Variants in CPLX1 observed in about 807,000 individuals in gnomAD.
CPLX1 encodes complexin-1.
CPLX1 carries 6 observed loss-of-function variants against 15.6 expected under a neutral mutation model. The ratio of observed to expected loss-of-function variants is 0.39; its 90% confidence interval spans 0.21 to 0.76. The LOEUF (loss-of-function observed/expected upper bound fraction) is 0.76, where lower values mean the gene tolerates loss of function less well. Ranked by LOEUF, CPLX1 falls within the 30% of genes least tolerant of loss-of-function variation. CPLX1 has a pLI of 0.43. For synonymous variants in CPLX1, 91 were observed against 75.2 expected (o/e 1.21, Z -1.08); for missense variants, 242 against 188.6 (o/e 1.28, Z -1.66).
At chr4:790,518 G>T (rs1746138299) in intron 3 of CPLX1, among the ~76,000 whole-genome samples, 2 of 152,132 alleles carry the variant, frequency 1.3e-5, no homozygotes, top group Admixed American at 6.6e-5. Flanking sequence ...TCCTGCCCGG[G>T]CCACTCGGTC....
chr4:792,093 G>T (rs60272964), intron 3 of CPLX1, among the ~76,000 whole-genome samples: 1 of 152,066 alleles, frequency 6.6e-6, no homozygotes, highest in African/African-American at 2.4e-5. Context: ...GCTCACCTGA[G>T]AGCGCACCCC....
chr4:795,526 A>G (rs80237166), intron 2 of CPLX1, among the ~76,000 whole-genome samples: 47,599 of 152,050 alleles, frequency 0.31, 8,857 homozygotes, highest in African/African-American at 0.52. Context: ...GGGGGGTCGG[A>G]TCCGAGGCTG....
intron 2 of CPLX1, among the ~76,000 whole-genome samples, chr4:813,234 C>T (rs1189515304): frequency 1.3e-5 from 2 of 149,260 alleles, no homozygotes; most frequent in Non-Finnish European, 3.0e-5. Context: ...CACTGCACTC[C>T]TGCCTGGGTG....
At chr4:791,511 C>A (rs1746175175) in intron 3 of CPLX1, among the ~76,000 whole-genome samples, 1 of 152,180 alleles carries the variant, frequency 6.6e-6, no homozygotes, top group Non-Finnish European at 1.5e-5. Context: ...CCCACAACAC[C>A]CCGTGAAGCC....
chr4:817,483 A>G (rs1158923177), intron 2 of CPLX1, among the ~76,000 whole-genome samples: 2 of 151,682 alleles, frequency 1.3e-5, no homozygotes, highest in Admixed American at 6.6e-5. Flanking sequence ...GCTTGAACCC[A>G]GGAGGCGGAG....
intron 2 of CPLX1, among the ~76,000 whole-genome samples, chr4:810,104 C>T (rs1721496284): frequency 7.0e-6 from 1 of 143,650 alleles, no homozygotes; most frequent in Admixed American, 7.3e-5. Flanking sequence ...GGCTGGAGTG[C>T]AGTGGCATGA....
chr4:808,373 C>T (rs1440230829), intron 2 of CPLX1, among the ~76,000 whole-genome samples: 5 of 152,124 alleles, frequency 3.3e-5, no homozygotes, highest in African/African-American at 9.7e-5. Flanking sequence ...CTGGATGTAT[C>T]GAGGCCTCAA....
chr4:801,722 T>C (rs1746464020), intron 2 of CPLX1, among the ~76,000 whole-genome samples: 1 of 152,226 alleles, frequency 6.6e-6, no homozygotes, highest in African/African-American at 2.4e-5. Flanking sequence ...AGTCACCTAA[T>C]GACACAGTCC....
chr4:812,796 G>A (rs529855522), intron 2 of CPLX1, among the ~76,000 whole-genome samples: 1 of 151,996 alleles, frequency 6.6e-6, no homozygotes, highest in African/African-American at 2.4e-5. Context: ...TAATGCTAAC[G>A]CCCGGTGTCC....
chr4:808,263 T>A (rs1205584186), intron 2 of CPLX1, among the ~76,000 whole-genome samples: 2 of 150,948 alleles, frequency 1.3e-5, no homozygotes, highest in Non-Finnish European at 3.0e-5. Context: ...TAAATAAAAA[T>A]AAATAAAAAT....
rs771955808 is a variant in CPLX1 at position 788,561 on chromosome 4, ACCCAGAGGG to A, written c.208-1872_208-1864del. The A allele has an allele frequency of 4.5e-5, 44 of 985,454 alleles. 1 individual carries two copies. Among genetic ancestry groups the A allele is most frequent in the South Asian group, 1.9e-4 (4 of 21,292 alleles). The allele number at this position is 985,454 out of a possible 1,614,324, so 61.0% of individuals were successfully genotyped here. ...ACGTTCTCCGCACAACAGGGGCGAC[ACCCAGAGGG>A]CCCTGCAGGCCCAGAACAAAGCCCT... On this transcript the variant is annotated intron_variant, in intron 3 of 3. Coordinates refer to ENST00000304062, the MANE Select transcript of CPLX1 (RefSeq NM_006651.4).
At position 824,587 on chromosome 4, in the gene CPLX1, G is replaced by A; in HGVS notation, c.-65C>T. ...AGAACTCACACGCAAGTATGGCCGG[G>A]AGCGAGTGTTCTTCCTGGGGGAGAG... On this transcript the variant is annotated 5_prime_UTR_variant, in exon 2 of 4. Coordinates refer to ENST00000304062, the MANE Select transcript of CPLX1 (RefSeq NM_006651.4). The A allele has an allele frequency of 6.4e-7, 1 of 1,562,452 alleles. No homozygotes were observed. Among genetic ancestry groups the A allele is most frequent in the Non-Finnish European group, 8.8e-7 (1 of 1,134,212 alleles).
Position 786,637 on chromosome 4 carries a change from G to A in CPLX1, c.269C>T (p.Ser90Phe). The change falls in exon 4 of 4, where the codon TCC (serine) becomes TTC (phenylalanine). Residue 90 changes from serine (S) to phenylalanine (F), a missense_variant. Ser to Phe is a radical substitution (Grantham distance 155). Transcript: ENST00000304062. ...CTTGGGCCGCGTCAAGCTCCCCTCG[G>A]AGTTGGCCTCCATGGCGGCCTGGGC... Reference protein sequence around the residue: ...AEAQAAMEANSEGSLTRPKKA... With the variant: ...AEAQAAMEANFEGSLTRPKKA... The A allele has an allele frequency of 8.1e-6, 13 of 1,612,550 alleles. No individual in the cohort carries two copies. The highest frequency in any genetic ancestry group is 1.1e-5 in the Non-Finnish European group (13 of 1,179,436).
At chr4:790,514 C>T (rs1746138054) in intron 3 of CPLX1, among the ~76,000 whole-genome samples, 2 of 152,282 alleles carry the variant, frequency 1.3e-5, no homozygotes, top group South Asian at 2.1e-4. Flanking sequence ...TGCATCCTGC[C>T]CGGGCCACTC....
At chr4:803,702 G>A (rs150325060) in intron 2 of CPLX1, among the ~76,000 whole-genome samples, 3,151 of 149,986 alleles carry the variant, frequency 0.021, 95 homozygotes, top group Admixed American at 0.088. Context: ...TTTCTCTTGA[G>A]ACCTGTTGTC....
chr4:807,023 G>T (rs762124524), intron 2 of CPLX1, among the ~76,000 whole-genome samples: 1 of 152,132 alleles, frequency 6.6e-6, no homozygotes. Flanking sequence ...ATATATGTAC[G>T]TGTATGTTCA....
chr4:799,986 G>A (rs942443364), intron 2 of CPLX1, among the ~76,000 whole-genome samples: 4 of 152,210 alleles, frequency 2.6e-5, no homozygotes, highest in South Asian at 4.1e-4. Context: ...GAAGCCGGTC[G>A]TTCAGACATT....
intron 2 of CPLX1, among the ~76,000 whole-genome samples, chr4:820,752 AC>A (rs942897321): frequency 3.7e-4 from 36 of 97,512 alleles, no homozygotes; most frequent in African/African-American, 9.7e-4. Context: ...CCTCACGTGA[AC>A]CCCCAAGGTG....
chr4:803,346 G>A (rs1577476970), intron 2 of CPLX1, among the ~76,000 whole-genome samples: 1 of 152,262 alleles, frequency 6.6e-6, no homozygotes, highest in African/African-American at 2.4e-5. Flanking sequence ...CCGCATGTAC[G>A]ACAGTGCCCT....
Sources: gnomAD v4.1 joint callset for allele counts (sites outside exome capture counted in the v4.1 genomes callset) on GRCh38, gnomAD v4.1.1 for gene constraint, MANE v1.5 for transcripts, NCBI Gene and HGNC (gene_info 2026-07-23, HGNC 2026-07-21) for gene names.